Variants in ADK observed in about 807,000 individuals in gnomAD.
ADK encodes the protein N6,N6-dimethyladenosine kinase.
ADK carries 24 observed loss-of-function variants against 44.7 expected under a neutral mutation model. The observed-to-expected ratio is 0.54, with a 90% CI of 0.39 to 0.76. The LOEUF (loss-of-function observed/expected upper bound fraction) is 0.76. Among genes scored for constraint, ADK ranks in the 30% least tolerant of loss-of-function variants. The pLI, the probability that ADK is intolerant of heterozygous loss-of-function variation, is 0.00. For missense variants in ADK, 321 were observed against 425.1 expected, an observed-to-expected ratio of 0.76 and a Z score of 2.15; for synonymous variants, 128 against 142.6, an observed-to-expected ratio of 0.90 and a Z score of 0.73.
At chr10:74,176,417 T>C (rs1842338637) in intron 1 of ADK, 1 of 1,006,446 alleles carries the variant, frequency 9.9e-7, no homozygotes, top group Non-Finnish European at 1.2e-6. Flanking sequence ...CTTTCCTAAG[T>C]GCTGTTACAG....
At chr10:74,392,112 A>G (rs10824167) in intron 4 of ADK, among the ~76,000 whole-genome samples, 97,375 of 152,020 alleles carry the variant, frequency 0.64, 32,604 homozygotes, top group Middle Eastern at 0.8. Context: ...ATATTGCTGC[A>G]GTGAACATGG....
At chr10:74,264,268 T>C (rs1466080132) in intron 3 of ADK, among the ~76,000 whole-genome samples, 2 of 152,240 alleles carry the variant, frequency 1.3e-5, no homozygotes, top group African/African-American at 4.8e-5. Context: ...TCCAGTGGTA[T>C]CTGAGCATTC....
At chr10:74,612,584 T>C (rs1384293785) in intron 9 of ADK, among the ~76,000 whole-genome samples, 1 of 152,076 alleles carries the variant, frequency 6.6e-6, no homozygotes, top group African/African-American at 2.4e-5. Context: ...CTGTAGGCTG[T>C]CTGTTTATTT....
intron 1 of ADK, among the ~76,000 whole-genome samples, chr10:74,180,742 G>A (rs891226479): frequency 1.3e-5 from 2 of 152,206 alleles, no homozygotes; most frequent in Non-Finnish European, 2.9e-5. Flanking sequence ...ACAGGCGTGA[G>A]CAACCGTGCC....
intron 6 of ADK, among the ~76,000 whole-genome samples, chr10:74,507,298 T>C (rs1027407832): frequency 6.6e-6 from 1 of 152,200 alleles, no homozygotes; most frequent in Non-Finnish European, 1.5e-5. Flanking sequence ...CAGCAGTCTT[T>C]CTTTTTTCTC....
At chr10:74,182,457 C>T (rs1842595334) in intron 1 of ADK, among the ~76,000 whole-genome samples, 1 of 151,992 alleles carries the variant, frequency 6.6e-6, no homozygotes, top group South Asian at 2.1e-4. Context: ...CAACCTCCGC[C>T]TCCCGGGTTC....
chr10:74,182,555 G>C (rs551007927), intron 1 of ADK, among the ~76,000 whole-genome samples: 26 of 152,138 alleles, frequency 1.7e-4, no homozygotes, highest in African/African-American at 6.0e-4. Context: ...TTTTAGTAGA[G>C]ATGGGGTTTC....
intron 3 of ADK, among the ~76,000 whole-genome samples, chr10:74,307,376 T>C (rs535307673): frequency 2.6e-5 from 4 of 152,352 alleles, no homozygotes; most frequent in African/African-American, 9.6e-5. Context: ...GTCTTCATGC[T>C]TCTGGCTGCA....
intron 7 of ADK, among the ~76,000 whole-genome samples, chr10:74,555,946 A>G (rs890997108): frequency 1.3e-5 from 2 of 152,212 alleles, no homozygotes; most frequent in Non-Finnish European, 2.9e-5. Flanking sequence ...CTTGTGTCAC[A>G]TGAGACATAG....
chr10:74,263,984 G>T (rs1846132115), intron 3 of ADK, among the ~76,000 whole-genome samples: 2 of 152,304 alleles, frequency 1.3e-5, no homozygotes, highest in Admixed American at 1.3e-4. Flanking sequence ...ATATGTGAAA[G>T]ATTCTTGAGG....
intron 1 of ADK, among the ~76,000 whole-genome samples, chr10:74,168,536 CA>C (rs140065598): frequency 0.59 from 58,564 of 98,688 alleles, 14,207 homozygotes; most frequent in Middle Eastern, 0.73. Flanking sequence ...GAGACTGTCT[CA>C]AAAAAAAAAA....
At chr10:74,249,496 TACACACACAC>T (rs72380023) in intron 3 of ADK, among the ~76,000 whole-genome samples, 9 of 149,060 alleles carry the variant, frequency 6.0e-5, no homozygotes, top group Non-Finnish European at 1.0e-4. Context: ...TGTACATGCA[TACACACACAC>T]ACACACACAC....
intron 4 of ADK, among the ~76,000 whole-genome samples, chr10:74,326,524 T>G (rs1841021996): frequency 6.6e-6 from 1 of 152,018 alleles, no homozygotes; most frequent in Non-Finnish European, 1.5e-5. Flanking sequence ...GGCAGGAGGA[T>G]TGCTTGAGCT....
chr10:74,442,387 C>G (rs1407699993), intron 6 of ADK, among the ~76,000 whole-genome samples: 2 of 152,040 alleles, frequency 1.3e-5, no homozygotes, highest in African/African-American at 2.4e-5. Flanking sequence ...GGCTCATGCC[C>G]GTAATCCCAG....
At chr10:74,599,363 C>T (rs959868831) in intron 8 of ADK, among the ~76,000 whole-genome samples, 12 of 152,176 alleles carry the variant, frequency 7.9e-5, no homozygotes, top group South Asian at 2.1e-4. Context: ...ACGTTTGTAA[C>T]GATTGCAAAC....
intron 3 of ADK, among the ~76,000 whole-genome samples, chr10:74,301,717 G>T (rs1403568944): frequency 6.6e-6 from 1 of 151,756 alleles, no homozygotes; most frequent in African/African-American, 2.4e-5. Flanking sequence ...TACCCATAGA[G>T]CCCAAACTAT....
intron 3 of ADK, among the ~76,000 whole-genome samples, chr10:74,247,451 G>T (rs1056028343): frequency 6.6e-6 from 1 of 151,422 alleles, no homozygotes; most frequent in Non-Finnish European, 1.5e-5. Context: ...TGCCCAGGCT[G>T]GTCTCAAACT....
chr10:74,220,313 A>C (rs1844252920), intron 2 of ADK, among the ~76,000 whole-genome samples: 1 of 152,222 alleles, frequency 6.6e-6, no homozygotes, highest in Admixed American at 6.5e-5. Flanking sequence ...TCCCAAGACT[A>C]AACCAGGAAG....
intron 6 of ADK, among the ~76,000 whole-genome samples, chr10:74,429,072 G>A (rs1323497115): frequency 2.0e-5 from 3 of 152,162 alleles, no homozygotes; most frequent in Admixed American, 6.5e-5. Flanking sequence ...GGTATTTTCT[G>A]TGTTTTTATT....
Sources: allele counts gnomAD v4.1 joint callset (sites outside exome capture counted in the v4.1 genomes callset), GRCh38; gene constraint gnomAD v4.1.1; transcripts MANE v1.5; gene names NCBI Gene and HGNC (gene_info 2026-07-23, HGNC 2026-07-21).